The following DAB1 variants were observed in gnomAD, a reference collection of about 807,000 sequenced individuals.
The protein encoded by DAB1 is disabled homolog 1.
DAB1 carries 15 observed loss-of-function variants against 64.6 expected under a neutral mutation model. That is an observed-to-expected ratio of 0.23 (90% CI 0.16 to 0.36). DAB1 has a LOEUF of 0.36. Ranked by LOEUF, DAB1 falls within the 10% of genes least tolerant of loss-of-function variation. The pLI is 1.00. For synonymous variants in DAB1, 235 were observed against 251.9 expected (o/e 0.93, Z 0.64); for missense variants, 596 against 706.7 (o/e 0.84, Z 1.78).
At chr1:57,692,380 G>A (rs1374035207) in intron 6 of DAB1, among the ~76,000 whole-genome samples, 2 of 151,968 alleles carry the variant, frequency 1.3e-5, no homozygotes, top group African/African-American at 4.8e-5. Context: ...CAGCAGAGAG[G>A]AAAGAGAGAG....
intron 9 of DAB1, among the ~76,000 whole-genome samples, chr1:57,030,404 C>T (rs1344748250): frequency 6.6e-6 from 1 of 152,148 alleles, no homozygotes; most frequent in Non-Finnish European, 1.5e-5. Context: ...AAGGAAATAG[C>T]CAGGAGCTGA....
intron 5 of DAB1, among the ~76,000 whole-genome samples, chr1:58,026,815 C>A (rs1271275540): frequency 6.6e-6 from 1 of 152,178 alleles, no homozygotes; most frequent in Non-Finnish European, 1.5e-5. Context: ...ATAGTTAAAG[C>A]AACTCATTTG....
At chr1:57,585,705 C>T (rs2101560629) in intron 7 of DAB1, among the ~76,000 whole-genome samples, 3 of 152,214 alleles carry the variant, frequency 2.0e-5, no homozygotes, top group Middle Eastern at 6.8e-3. Context: ...ATGATCAATT[C>T]CCCCTTCCCA....
At chr1:57,155,581 G>A (rs545740299) in intron 2 of DAB1, among the ~76,000 whole-genome samples, 173 of 151,710 alleles carry the variant, frequency 1.1e-3, no homozygotes, top group African/African-American at 3.6e-3. Flanking sequence ...TATGAGGAAC[G>A]TTATTGGTAT....
chr1:57,982,743 G>A (rs1646096937), intron 5 of DAB1, among the ~76,000 whole-genome samples: 1 of 152,170 alleles, frequency 6.6e-6, no homozygotes, highest in Non-Finnish European at 1.5e-5. Flanking sequence ...TTCTGCTACT[G>A]GTTACTGATT....
intron 5 of DAB1, among the ~76,000 whole-genome samples, chr1:58,043,183 C>T (rs919842660): frequency 6.6e-6 from 1 of 152,102 alleles, no homozygotes; most frequent in Non-Finnish European, 1.5e-5. Flanking sequence ...AGATAAGAGA[C>T]CAAAATTCTC....
intron 1 of DAB1, among the ~76,000 whole-genome samples, chr1:57,391,777 ACACACACACACACACAC>A (rs1682384248): frequency 1.4e-5 from 2 of 144,690 alleles, no homozygotes; most frequent in Non-Finnish European, 3.0e-5. Context: ...ACACACACAC[ACACACACACACACACAC>A]ACACACACAC....
chr1:57,117,524 A>G (rs758244850), intron 4 of DAB1, among the ~76,000 whole-genome samples: 3 of 152,186 alleles, frequency 2.0e-5, no homozygotes, highest in Non-Finnish European at 4.4e-5. Flanking sequence ...CCATCTCTTC[A>G]TTTTTGAGGC....
At chr1:57,251,146 C>CAGATTTT in intron 2 of DAB1, among the ~76,000 whole-genome samples, 1 of 152,272 alleles carries the variant, frequency 6.6e-6, no homozygotes, top group Non-Finnish European at 1.5e-5. Context: ...CATTCTGGGC[C>CAGATTTT]ACCAGAAATG....
chr1:57,478,736 G>A (rs1312209826), intron 7 of DAB1, among the ~76,000 whole-genome samples: 1 of 151,488 alleles, frequency 6.6e-6, no homozygotes, highest in Non-Finnish European at 1.5e-5. Context: ...GGGATTACAG[G>A]TGCGTGCCAC....
At chr1:57,049,668 C>A (rs1260252378) in intron 9 of DAB1, among the ~76,000 whole-genome samples, 1 of 151,986 alleles carries the variant, frequency 6.6e-6, no homozygotes, top group Non-Finnish European at 1.5e-5. Flanking sequence ...GCAATGCCTG[C>A]CCCTAGGCTA....
intron 3 of DAB1, among the ~76,000 whole-genome samples, chr1:58,400,124 T>A (rs1402223453): frequency 6.6e-6 from 1 of 151,932 alleles, no homozygotes; most frequent in African/African-American, 2.4e-5. Flanking sequence ...TCTGTCAGCA[T>A]CCCAGGCAGG....
At chr1:57,689,905 C>A (rs1428393822) in intron 6 of DAB1, among the ~76,000 whole-genome samples, 1 of 152,122 alleles carries the variant, frequency 6.6e-6, no homozygotes, top group Non-Finnish European at 1.5e-5. Flanking sequence ...CCCTTTCCCC[C>A]ACTACCATTC....
chr1:57,828,474 T>C (rs1428608225), intron 1 of DAB1, among the ~76,000 whole-genome samples: 1 of 152,202 alleles, frequency 6.6e-6, no homozygotes, highest in African/African-American at 2.4e-5. Context: ...TGTTTTTTCT[T>C]TGTGTTCTGG....
At chr1:57,683,304 C>T (rs1646658446) in intron 6 of DAB1, among the ~76,000 whole-genome samples, 1 of 152,148 alleles carries the variant, frequency 6.6e-6, no homozygotes. Flanking sequence ...ACCTGGCACA[C>T]TAACAAAAGA....
At chr1:57,482,824 A>G (rs892943703) in intron 7 of DAB1, among the ~76,000 whole-genome samples, 1 of 152,194 alleles carries the variant, frequency 6.6e-6, no homozygotes, top group Non-Finnish European at 1.5e-5. Flanking sequence ...TTATAGATAA[A>G]GATATTGAGA....
chr1:57,227,551 G>GTGTGTT lies in DAB1; in HGVS notation c.67+63412_67+63413insAACACA, dbSNP rs1452738802. Among the ~76,000 whole-genome samples the GTGTGTT allele has an allele frequency of 1.1e-4, 17 of 148,962 alleles. No individual in the cohort carries two copies. In the South Asian group the frequency reaches 3.1e-3, roughly 28 times the overall value. ...TGTGTGTGTGTGTGTGTGTGTGTGT[G>GTGTGTT]TGTGTGTGTGTTTGGTTTTGTTGAA... is the stretch of plus-strand genomic sequence containing the variant. On this transcript the variant is annotated intron_variant, in intron 2 of 14. Transcript: ENST00000371236.
intron 4 of DAB1, among the ~76,000 whole-genome samples, chr1:58,204,000 G>C (rs1400115561): frequency 6.6e-6 from 1 of 152,170 alleles, no homozygotes; most frequent in African/African-American, 2.4e-5. Flanking sequence ...AGTGGCATTA[G>C]AACATGGCCA....
At chr1:57,127,188 A>G (rs1424754072) in intron 4 of DAB1, among the ~76,000 whole-genome samples, 1 of 152,236 alleles carries the variant, frequency 6.6e-6, no homozygotes, top group African/African-American at 2.4e-5. Context: ...TGAGGGAGAT[A>G]GAAAAACAAT....
Sources: allele counts gnomAD v4.1 joint callset (sites outside exome capture counted in the v4.1 genomes callset), GRCh38; gene constraint gnomAD v4.1.1; transcripts MANE v1.5; gene names NCBI Gene and HGNC (gene_info 2026-07-23, HGNC 2026-07-21).